The following PTPRK variants were observed in gnomAD, a reference collection of about 807,000 sequenced individuals.
The protein encoded by PTPRK is protein tyrosine phosphatase receptor type K, also known as receptor-type tyrosine-protein phosphatase kappa.
PTPRK carries 75 observed loss-of-function variants against 178.0 expected under a neutral mutation model. That is an observed-to-expected ratio of 0.42 (90% CI 0.35 to 0.51). The LOEUF is 0.51. Ranked by LOEUF, PTPRK falls within the 20% of genes least tolerant of loss-of-function variation. PTPRK has a pLI of 0.02. For missense variants in PTPRK, 1,441 were observed against 1,797.8 expected (o/e 0.80, Z 3.59); for synonymous variants, 637 against 620.6 (o/e 1.03, Z -0.39).
chr6:128,275,665 G>C (rs1233932567), intron 3 of PTPRK, among the ~76,000 whole-genome samples: 2 of 152,024 alleles, frequency 1.3e-5, no homozygotes, highest in Non-Finnish European at 2.9e-5. Context: ...TCTATTTGAA[G>C]TTATACAGGG....
At chr6:128,258,797 C>T (rs1817731443) in intron 3 of PTPRK, among the ~76,000 whole-genome samples, 1 of 152,112 alleles carries the variant, frequency 6.6e-6, no homozygotes, top group Admixed American at 6.6e-5. Flanking sequence ...AATGCCATTC[C>T]AGGCGGAGGG....
At chr6:128,294,467 T>C (rs778599916) in intron 3 of PTPRK, among the ~76,000 whole-genome samples, 6 of 152,118 alleles carry the variant, frequency 3.9e-5, no homozygotes, top group Non-Finnish European at 8.8e-5. Context: ...TGGTCTTCTT[T>C]AGAGTCCTCT....
intron 1 of PTPRK, among the ~76,000 whole-genome samples, chr6:128,400,542 A>G (rs1261408392): frequency 6.6e-6 from 1 of 152,198 alleles, no homozygotes; most frequent in Non-Finnish European, 1.5e-5. Flanking sequence ...AGGCAATTCA[A>G]GCCACATTAA....
chr6:128,475,405 C>T (rs562502732), intron 1 of PTPRK, among the ~76,000 whole-genome samples: 34 of 151,966 alleles, frequency 2.2e-4, no homozygotes, highest in Non-Finnish European at 4.6e-4. Flanking sequence ...GCGAGAACAG[C>T]GAAAGATAGA....
intron 3 of PTPRK, among the ~76,000 whole-genome samples, chr6:128,293,485 T>G (rs1269649558): frequency 1.3e-5 from 2 of 152,066 alleles, no homozygotes; most frequent in African/African-American, 4.8e-5. Flanking sequence ...TTAAAAGTCC[T>G]CCCTCTTAAT....
intron 1 of PTPRK, among the ~76,000 whole-genome samples, chr6:128,435,292 A>G (rs1845445699): frequency 6.6e-6 from 1 of 152,164 alleles, no homozygotes; most frequent in African/African-American, 2.4e-5. Flanking sequence ...ACAATTTCAA[A>G]CTTTATAATT....
intron 7 of PTPRK, among the ~76,000 whole-genome samples, chr6:128,128,924 A>G (rs1360049849): frequency 6.6e-6 from 1 of 152,194 alleles, no homozygotes; most frequent in East Asian, 1.9e-4. Flanking sequence ...ACATGAACCA[A>G]TACTTCAATG....
intron 7 of PTPRK, among the ~76,000 whole-genome samples, chr6:128,154,656 G>A (rs1797726550): frequency 6.6e-6 from 1 of 150,748 alleles, no homozygotes. Flanking sequence ...GCTCGCCTAA[G>A]GAATTACTTC....
chr6:128,370,584 C>CT (rs1410633070), intron 2 of PTPRK, among the ~76,000 whole-genome samples: 1 of 151,950 alleles, frequency 6.6e-6, no homozygotes, highest in Non-Finnish European at 1.5e-5. Flanking sequence ...ATGAGCATTA[C>CT]TTTTCTCATA....
Position 128,401,632 on chromosome 6 carries a change from C to G in PTPRK, c.101-3944G>C, listed in dbSNP as rs532731572. Among the ~76,000 whole-genome samples, 3 of 152,294 alleles carry G rather than the reference C, an allele frequency of 2.0e-5. No individual in the cohort carries two copies. In the South Asian group the frequency reaches 6.2e-4, roughly 32 times the overall value. The stretch of plus-strand genomic sequence containing the variant: ...TTATTGTCCTAAGATCTTCCACACT[C>G]TCCCCTCCATGGCACCTCTAGATTC... On this transcript the variant is annotated intron_variant, in intron 1 of 29. Coordinates refer to ENST00000368226, the MANE Select transcript of PTPRK (RefSeq NM_002844.4).
intron 13 of PTPRK, among the ~76,000 whole-genome samples, chr6:128,025,340 G>A (rs1430638623): frequency 6.6e-6 from 1 of 152,152 alleles, no homozygotes; most frequent in Non-Finnish European, 1.5e-5. Context: ...GAACCTGAAA[G>A]GAGACACACA....
chr6:128,235,727 C>T (rs991457629), intron 5 of PTPRK: 23 of 356,710 alleles, frequency 6.4e-5, no homozygotes, highest in African/African-American at 4.6e-4. Flanking sequence ...GTGTTTCTGA[C>T]ATCCCAACCA....
At chr6:128,429,347 G>C (rs1006698193) in intron 1 of PTPRK, among the ~76,000 whole-genome samples, 2 of 152,160 alleles carry the variant, frequency 1.3e-5, no homozygotes, top group African/African-American at 4.8e-5. Flanking sequence ...AGCTGACAGG[G>C]GCTATGTCAA....
chr6:128,361,222 A>G (rs1834696392), intron 2 of PTPRK, among the ~76,000 whole-genome samples: 1 of 152,158 alleles, frequency 6.6e-6, no homozygotes, highest in Non-Finnish European at 1.5e-5. Flanking sequence ...CTATCTCAGG[A>G]AAGAAAAATA....
intron 6 of PTPRK, among the ~76,000 whole-genome samples, chr6:128,196,174 G>A (rs916133140): frequency 6.6e-6 from 1 of 151,884 alleles, no homozygotes; most frequent in East Asian, 1.9e-4. Flanking sequence ...TAATGATGGG[G>A]GAAGAAAAAA....
At chr6:128,509,069 C>T (rs536676846) in intron 1 of PTPRK, among the ~76,000 whole-genome samples, 13 of 152,298 alleles carry the variant, frequency 8.5e-5, no homozygotes, top group African/African-American at 1.7e-4. Flanking sequence ...CCGTCCTACC[C>T]GGGACATGAA....
chr6:128,097,847 G>T (rs1788157241), intron 7 of PTPRK, among the ~76,000 whole-genome samples: 1 of 151,954 alleles, frequency 6.6e-6, no homozygotes, highest in Non-Finnish European at 1.5e-5. Context: ...AAATTTTTTA[G>T]CAACAGTATA....
chr6:128,405,994 G>A (rs910235870), intron 1 of PTPRK, among the ~76,000 whole-genome samples: 9 of 151,290 alleles, frequency 5.9e-5, no homozygotes, highest in Non-Finnish European at 8.8e-5. Flanking sequence ...AATGCATCTT[G>A]AAATCAAAAA....
chr6:128,006,103 GA>G, intron 14 of PTPRK: 1 of 1,415,796 alleles, frequency 7.1e-7, no homozygotes. Flanking sequence ...AATGGTGAAT[GA>G]AAAGCGTGAC....
Sources: allele counts gnomAD v4.1 joint callset (sites outside exome capture counted in the v4.1 genomes callset), GRCh38; gene constraint gnomAD v4.1.1; transcripts MANE v1.5; gene names NCBI Gene and HGNC (gene_info 2026-07-23, HGNC 2026-07-21).